ATP6V0A4: variants seen among roughly 807,000 people sequenced by gnomAD.
ATP6V0A4 encodes ATPase H+ transporting V0 subunit a4.
ATP6V0A4 carries 86 observed loss-of-function variants against 107.3 expected under a neutral mutation model. That is an observed-to-expected ratio of 0.80 (90% confidence interval 0.67 to 0.96). The LOEUF (loss-of-function observed/expected upper bound fraction) is 0.96. ATP6V0A4 is among the 40% of genes least tolerant of loss of function. ATP6V0A4 has a pLI of 0.00. For missense variants in ATP6V0A4, 908 were observed against 1,045.6 expected, an observed-to-expected ratio of 0.87 and a Z score of 1.81; for synonymous variants, 353 against 381.4, an observed-to-expected ratio of 0.93 and a Z score of 0.87.
In ATP6V0A4 at chr7:138,752,620, C is replaced by T. The variant is rs147476317; in HGVS notation, c.1029+5G>A. The T allele has an allele frequency of 3.1e-4, 492 of 1,612,864 alleles. 2 individuals are homozygous for T. In the East Asian group the frequency reaches 9.4e-3, roughly 31 times the overall value. On this transcript the variant is annotated splice_donor_5th_base_variant and intron_variant, in intron 11 of 21. Coordinates refer to ENST00000310018, the MANE Select transcript of ATP6V0A4 (RefSeq NM_020632.3). ...GGACCCCTCCTGGCTCCACCTGCCA[C>T]GCACCATGCCTTGCTCCAGTGCCCT...
chr7:138,792,218 G>A (rs995812075), intron 1 of ATP6V0A4, among the ~76,000 whole-genome samples: 6 of 152,220 alleles, frequency 3.9e-5, no homozygotes, highest in African/African-American at 1.4e-4. Context: ...TGAGGCAGGA[G>A]AATGGCGTGA....
intron 8 of ATP6V0A4, among the ~76,000 whole-genome samples, chr7:138,758,429 T>A (rs1476043973): frequency 6.6e-6 from 1 of 152,212 alleles, no homozygotes; most frequent in Non-Finnish European, 1.5e-5. Context: ...TTGTTTTTCA[T>A]CAAAATGAAT....
At chr7:138,760,002 C>T (rs1432897228) in intron 7 of ATP6V0A4, 124 bp from the exon 8 acceptor site, 3 of 1,539,288 alleles carry the variant, frequency 1.9e-6, no homozygotes, top group South Asian at 1.2e-5. Context: ...CAGGAGGGAC[C>T]CCGACACAGC....
At chr7:138,715,985 A>G in intron 19 of ATP6V0A4, 104 bp from the exon 20 acceptor site, 1 of 1,481,378 alleles carries the variant, frequency 6.8e-7, no homozygotes, top group Non-Finnish European at 9.3e-7. Flanking sequence ...CTGTTCAGAC[A>G]CTTTCAGTCT....
rs1385550296 is a variant in ATP6V0A4 at position 138,752,756 on chromosome 7, G to C, written c.898C>G (p.Gln300Glu). The change falls in exon 11 of 22, where the codon CAG becomes GAG. Residue 300 changes from glutamine to glutamate, a missense_variant. By Grantham distance (29) the Gln-to-Glu change is conservative (BLOSUM62 2). Transcript: ENST00000310018. ...ATGTGGTAGACAGCTTTCATCTTCT[G>C]CACCTTGATGAGCCAGGAGTGCCAG... ...ANWHSWLIKV[Q>E]KMKAVYHILN... 1 of 1,614,208 alleles carries C rather than the reference G, an allele frequency of 6.2e-7. No homozygotes were observed. The highest frequency in any genetic ancestry group is 1.1e-5 in the South Asian group (1 of 91,084).
chr7:138,767,941 T>A (rs1325998345), intron 5 of ATP6V0A4, among the ~76,000 whole-genome samples: 1 of 152,008 alleles, frequency 6.6e-6, no homozygotes, highest in Non-Finnish European at 1.5e-5. Flanking sequence ...TTTGTTTGTT[T>A]GTTTGTTTTT....
Position 138,769,162 on chromosome 7 carries a change from A to C in ATP6V0A4, c.196+11T>G. ...TGAACAGTAAGAAAAAAAAAAAAAA[A>C]ATTGGCTTACGGAGGATTCTCTCCA... On this transcript the variant is annotated intron_variant, in intron 4 of 21. Coordinates refer to ENST00000310018, the MANE Select transcript of ATP6V0A4 (RefSeq NM_020632.3). 3.4e-6 allele frequency: 5 copies of C among 1,490,500 alleles called. No homozygotes were observed. Among genetic ancestry groups the C allele is most frequent in the Non-Finnish European group, 4.6e-6 (5 of 1,082,896 alleles). 92.3% of individuals were successfully genotyped at this position (1,490,500 alleles called of 1,614,324 possible).
intron 1 of ATP6V0A4, among the ~76,000 whole-genome samples, chr7:138,786,758 T>C (rs942361665): frequency 1.3e-5 from 2 of 152,008 alleles, no homozygotes; most frequent in Non-Finnish European, 2.9e-5. Flanking sequence ...CCTCCCAAAA[T>C]GCTGGGATTA....
At chr7:138,733,926 A>G (rs1183607592) in intron 16 of ATP6V0A4, among the ~76,000 whole-genome samples, 2 of 151,962 alleles carry the variant, frequency 1.3e-5, no homozygotes, top group Non-Finnish European at 2.9e-5. Context: ...AGGAGCACTT[A>G]CCTTGGAGAG....
chr7:138,774,453 T>C (rs971286612), intron 2 of ATP6V0A4, among the ~76,000 whole-genome samples: 3 of 151,472 alleles, frequency 2.0e-5, no homozygotes, highest in African/African-American at 4.9e-5. Flanking sequence ...TGGTGGCGGG[T>C]GCCTGTAATC....
intron 14 of ATP6V0A4, among the ~76,000 whole-genome samples, chr7:138,740,310 A>T (rs567847427): frequency 5.9e-5 from 9 of 152,152 alleles, no homozygotes; most frequent in African/African-American, 2.2e-4. Context: ...GTTTTTTCAC[A>T]TATACACCTC....
intron 11 of ATP6V0A4, among the ~76,000 whole-genome samples, chr7:138,750,248 G>A (rs1806154990): frequency 6.6e-6 from 1 of 151,988 alleles, no homozygotes; most frequent in African/African-American, 2.4e-5. Context: ...ACTTGCTCAA[G>A]TCTTTTTTCT....
intron 15 of ATP6V0A4, among the ~76,000 whole-genome samples, chr7:138,735,187 A>G (rs2353841): frequency 0.78 from 118,444 of 152,026 alleles, 46,313 homozygotes; most frequent in East Asian, 0.92. Context: ...GTCTCACACT[A>G]GCTAAGGACC....
intron 14 of ATP6V0A4, among the ~76,000 whole-genome samples, chr7:138,742,220 A>G (rs912639332): frequency 1.3e-5 from 2 of 152,138 alleles, no homozygotes; most frequent in African/African-American, 4.8e-5. Context: ...TGAGGTCAGG[A>G]GTTCAAGACC....
Position 138,752,576 on chromosome 7 carries a change from G to C in ATP6V0A4, c.1029+49C>G, listed in dbSNP as rs750568350. 16 of 1,605,668 alleles carry C rather than the reference G, an allele frequency of 1.0e-5. No individual in the cohort carries two copies. In the African/African-American group the frequency reaches 2.0e-4, roughly 20 times the overall value. On this transcript the variant is annotated intron_variant, in intron 11 of 21. Transcript: ENST00000310018. ...GAGGCCAACACCCTCTGAGAGCCCA[G>C]CAGAGGGGCTGACTCATCGGACCCC...
chr7:138,760,522 A>G (rs10235404), intron 7 of ATP6V0A4, among the ~76,000 whole-genome samples: 111,452 of 150,808 alleles, frequency 0.74, 41,670 homozygotes, highest in African/African-American at 0.86. Flanking sequence ...ATTCAACAGT[A>G]GTCTCTATGC....
At chr7:138,762,753 C>T (rs1360668749) in intron 6 of ATP6V0A4, 147 bp downstream of exon 6, 13 of 1,031,576 alleles carry the variant, frequency 1.3e-5, no homozygotes, top group Non-Finnish European at 1.7e-5. Flanking sequence ...ATTATTCCAC[C>T]CAAAATACTC....
chr7:138,747,200 T>C (rs1348957701), intron 13 of ATP6V0A4, among the ~76,000 whole-genome samples: 1 of 152,158 alleles, frequency 6.6e-6, no homozygotes, highest in African/African-American at 2.4e-5. Flanking sequence ...GAAAAATCGA[T>C]GCCTTATCAA....
rs772411920 is a variant in ATP6V0A4, at chr7:138,733,036, G to C, written c.1749C>G (p.Ile583Met). 3.7e-6 allele frequency: 6 copies of C among 1,614,062 alleles called. No homozygotes were observed. In the South Asian group the frequency reaches 6.6e-5, roughly 18 times the overall value. Residue 583 changes from isoleucine (I) to methionine (M), a missense_variant, in exon 17 of 22, where the codon ATC becomes ATG. Coordinates refer to ENST00000310018, the MANE Select transcript of ATP6V0A4 (RefSeq NM_020632.3). ...ILQFIPEMIFILCLFGYLVFM... is the reference protein window; with the variant it reads ...ILQFIPEMIFMLCLFGYLVFM... Reference sequence around the variant, plus strand: ...AAACCAGGTATCCAAACAGACACAGGATAAAAATCATCTCAGGGATAAATT... The same window carrying C: ...AAACCAGGTATCCAAACAGACACAGCATAAAAATCATCTCAGGGATAAATT...
Sources: allele counts gnomAD v4.1 joint callset (sites outside exome capture counted in the v4.1 genomes callset), GRCh38; gene constraint gnomAD v4.1.1; transcripts MANE v1.5; gene names NCBI Gene and HGNC (gene_info 2026-07-23, HGNC 2026-07-21).